C10orf90: variants seen among roughly 807,000 people sequenced by gnomAD.
C10orf90 encodes (E2-independent) E3 ubiquitin-conjugating enzyme FATS.
In C10orf90, 56 loss-of-function variants were observed where a neutral mutation model predicts 62.5. The observed-to-expected ratio is 0.90, with a 90% CI of 0.72 to 1.12. The LOEUF is 1.12. C10orf90 is among the 50% of genes most tolerant of loss of function. C10orf90 has a pLI of 0.00. For missense variants in C10orf90, 970 were observed against 880.4 expected, an observed-to-expected ratio of 1.10 and a Z score of -1.29; for synonymous variants, 386 against 340.4, an observed-to-expected ratio of 1.13 and a Z score of -1.47.
intron 4 of C10orf90, among the ~76,000 whole-genome samples, chr10:126,495,158 C>A (rs1564832139): frequency 6.6e-6 from 1 of 152,134 alleles, no homozygotes; most frequent in Non-Finnish European, 1.5e-5. Context: ...CTAATTTAAT[C>A]CTAATTTATC....
At chr10:126,510,567 C>T (rs1366468947) in intron 3 of C10orf90, among the ~76,000 whole-genome samples, 3 of 152,116 alleles carry the variant, frequency 2.0e-5, no homozygotes, top group African/African-American at 7.2e-5. Context: ...GTAGAACGTT[C>T]GCATTGGAGA....
intron 2 of C10orf90, among the ~76,000 whole-genome samples, chr10:126,558,365 C>T (rs1306137599): frequency 1.3e-5 from 2 of 152,250 alleles, no homozygotes; most frequent in Admixed American, 6.5e-5. Flanking sequence ...ATCCAAACCC[C>T]GAAGCATGAC....
intron 2 of C10orf90, among the ~76,000 whole-genome samples, chr10:126,588,890 G>A (rs1482682920): frequency 1.3e-5 from 2 of 152,100 alleles, no homozygotes; most frequent in East Asian, 3.9e-4. Flanking sequence ...TCAGAAGGAG[G>A]GTAATAATGA....
At chr10:126,467,829 T>A (rs575107733) in intron 4 of C10orf90, among the ~76,000 whole-genome samples, 145 of 152,254 alleles carry the variant, frequency 9.5e-4, no homozygotes, top group Non-Finnish European at 1.8e-3. Flanking sequence ...TCCATTATAT[T>A]TACAATGTAA....
chr10:126,505,556 C>A (rs1399225178), intron 3 of C10orf90, among the ~76,000 whole-genome samples: 2 of 152,214 alleles, frequency 1.3e-5, no homozygotes, highest in Admixed American at 1.3e-4. Flanking sequence ...CCCTCCCTAC[C>A]TTGGTCCTTT....
At chr10:126,631,087 G>T (rs549838827) in intron 2 of C10orf90, among the ~76,000 whole-genome samples, 409 of 152,270 alleles carry the variant, frequency 2.7e-3, no homozygotes, top group South Asian at 4.8e-3. Flanking sequence ...GGGTTGGCCA[G>T]ATTATCCAGG....
intron 7 of C10orf90, among the ~76,000 whole-genome samples, chr10:126,441,298 AG>A (rs1858309293): frequency 6.6e-6 from 1 of 152,164 alleles, no homozygotes; most frequent in African/African-American, 2.4e-5. Context: ...CAGAGCTCAA[AG>A]ACAAGGCATT....
chr10:126,570,696 C>A (rs1844488471), intron 2 of C10orf90, among the ~76,000 whole-genome samples: 1 of 152,048 alleles, frequency 6.6e-6, no homozygotes, highest in African/African-American at 2.4e-5. Flanking sequence ...AATGAGAAAC[C>A]AAACAAGAAT....
At chr10:126,565,036 A>ATAATATATATTATATATTATATAAT (rs1844302054) in intron 2 of C10orf90, among the ~76,000 whole-genome samples, 1 of 13,804 alleles carries the variant, frequency 7.2e-5, no homozygotes, top group Non-Finnish European at 1.3e-4. Flanking sequence ...TATTATATAA[A>ATAATATATATTATATATTATATAAT]ATATATAATA....
At chr10:126,546,280 G>A (rs377509517) in intron 2 of C10orf90, among the ~76,000 whole-genome samples, 17 of 152,352 alleles carry the variant, frequency 1.1e-4, no homozygotes, top group Middle Eastern at 3.4e-3. Flanking sequence ...ACACTTGTGA[G>A]GCTAGAAAGA....
intron 2 of C10orf90, among the ~76,000 whole-genome samples, chr10:126,627,522 A>G (rs1845770476): frequency 6.6e-6 from 1 of 152,066 alleles, no homozygotes; most frequent in African/African-American, 2.4e-5. Context: ...ATCATGGCTG[A>G]AATTCCAGAA....
At chr10:126,588,337 G>C (rs1844914740) in intron 2 of C10orf90, among the ~76,000 whole-genome samples, 1 of 152,248 alleles carries the variant, frequency 6.6e-6, no homozygotes, top group Admixed American at 6.5e-5. Context: ...GGGACAGCCA[G>C]ACTGCTTCTT....
chr10:126,429,689 G>A, intron 8 of C10orf90, 98 bp downstream of exon 8: 1 of 934,330 alleles, frequency 1.1e-6, no homozygotes, highest in Non-Finnish European at 1.7e-6. Flanking sequence ...CTTAAACATG[G>A]ACCTAGAAGC....
chr10:126,583,412 C>T (rs1331895354), intron 2 of C10orf90, among the ~76,000 whole-genome samples: 1 of 152,166 alleles, frequency 6.6e-6, no homozygotes. Context: ...TTATATTGAA[C>T]ACAGATCCTA....
intron 2 of C10orf90, chr10:126,520,497 C>G (rs1173837723): frequency 6.6e-6 from 1 of 152,244 alleles, no homozygotes; most frequent in East Asian, 1.9e-4. Flanking sequence ...TCACCTTTTC[C>G]CCACTGAGCT....
intron 1 of C10orf90, among the ~76,000 whole-genome samples, chr10:126,652,795 T>C (rs997184033): frequency 1.3e-5 from 2 of 152,212 alleles, no homozygotes; most frequent in Admixed American, 6.5e-5. Context: ...AAGAGGTAGA[T>C]TTCCCCAGAT....
chr10:126,573,497 C>T (rs963956339), intron 2 of C10orf90, among the ~76,000 whole-genome samples: 11 of 152,262 alleles, frequency 7.2e-5, no homozygotes, highest in Non-Finnish European at 2.9e-5. Context: ...TTTACAGACT[C>T]GCCATGAGTT....
At chr10:126,644,863 G>C (rs545750709) in intron 2 of C10orf90, among the ~76,000 whole-genome samples, 9 of 152,330 alleles carry the variant, frequency 5.9e-5, no homozygotes, top group Admixed American at 5.9e-4. Flanking sequence ...TAACCAGACA[G>C]GTTTTGGGAG....
At chr10:126,545,321 C>T (rs933120723) in intron 2 of C10orf90, among the ~76,000 whole-genome samples, 1 of 152,200 alleles carries the variant, frequency 6.6e-6, no homozygotes, top group Non-Finnish European at 1.5e-5. Flanking sequence ...TTCCAATATC[C>T]TAACCCTTCT....
Sources: allele counts gnomAD v4.1 joint callset (sites outside exome capture counted in the v4.1 genomes callset), GRCh38; gene constraint gnomAD v4.1.1; transcripts MANE v1.5; gene names NCBI Gene and HGNC (gene_info 2026-07-23, HGNC 2026-07-21).